RAI1: variants seen among roughly 807,000 people sequenced by gnomAD.
The protein encoded by RAI1 is retinoic acid-induced protein 1.
RAI1 carries 9 observed loss-of-function variants against 123.8 expected under a neutral mutation model. That is an observed-to-expected ratio of 0.07 (90% CI 0.04 to 0.13). The LOEUF (loss-of-function observed/expected upper bound fraction) is 0.13, where lower values mean the gene tolerates loss of function less well. RAI1 is among the 10% of genes least tolerant of loss of function. The pLI, the probability that RAI1 is intolerant of heterozygous loss-of-function variation, is 1.00. For missense variants in RAI1, 2,256 were observed against 2,545.8 expected (o/e 0.89, Z 2.45); for synonymous variants, 1,231 against 1,127.3 (o/e 1.09, Z -1.84).
At chr17:17,747,046 G>A (rs913714430) in intron 2 of RAI1, among the ~76,000 whole-genome samples, 3 of 152,026 alleles carry the variant, frequency 2.0e-5, no homozygotes, top group Admixed American at 6.6e-5. Context: ...TTAATTCATC[G>A]CCCCCATTTC....
At chr17:17,731,905 A>T (rs760204870) in intron 2 of RAI1, among the ~76,000 whole-genome samples, 1 of 152,178 alleles carries the variant, frequency 6.6e-6, no homozygotes, top group Non-Finnish European at 1.5e-5. Context: ...AGCTCAGCAG[A>T]TTATAATTCC....
At chr17:17,802,981 G>A (rs1267932427) in intron 3 of RAI1, among the ~76,000 whole-genome samples, 4 of 151,806 alleles carry the variant, frequency 2.6e-5, no homozygotes, top group Admixed American at 2.6e-4. Flanking sequence ...CTACTCGGGA[G>A]GCTAAGGCAG....
intron 4 of RAI1, among the ~76,000 whole-genome samples, chr17:17,808,374 A>AT (rs1259193372): frequency 6.8e-6 from 1 of 146,874 alleles, no homozygotes; most frequent in African/African-American, 2.6e-5. Flanking sequence ...ATTTTATTTT[A>AT]TATTTTATTT....
chr17:17,798,796 C>T (rs2032359822), intron 3 of RAI1, among the ~76,000 whole-genome samples: 1 of 152,182 alleles, frequency 6.6e-6, no homozygotes, highest in South Asian at 2.1e-4. Context: ...CATCTTCAGG[C>T]TCCAGCCCCA....
At chr17:17,751,855 G>T (rs963172398) in intron 2 of RAI1, among the ~76,000 whole-genome samples, 2 of 152,188 alleles carry the variant, frequency 1.3e-5, no homozygotes, top group African/African-American at 4.8e-5. Flanking sequence ...CAGTCGCGGT[G>T]TAACGCCCTG....
chr17:17,802,730 T>C (rs1230611632), intron 3 of RAI1, among the ~76,000 whole-genome samples: 1 of 150,438 alleles, frequency 6.6e-6, no homozygotes, highest in Admixed American at 6.6e-5. Flanking sequence ...GAGCCAAGAT[T>C]GTGCCACTGC....
Position 17,803,864 on chromosome 17 carries a change from A to C in RAI1, c.5659+15A>C. ...CAGCGATGCAGGTACGAGCCCGCCC[A>C]GGAACAGGAGGGCATTGGAGCCCAT... On this transcript the variant is annotated intron_variant, in intron 4 of 5. Transcript: ENST00000353383. 1 of 1,609,470 alleles carries C rather than the reference A, an allele frequency of 6.2e-7. No homozygotes were observed. Among genetic ancestry groups the C allele is most frequent in the Non-Finnish European group, 8.5e-7 (1 of 1,176,476 alleles).
Position 17,809,078 on chromosome 17 carries a change from G to A in RAI1, c.5660-312G>A. 1 of 457,462 alleles carries A rather than the reference G, an allele frequency of 2.2e-6. No individual in the cohort carries two copies. The highest frequency in any genetic ancestry group is 4.0e-6 in the Non-Finnish European group (1 of 247,290). The allele number at this position is 457,462 out of a possible 1,614,324, so 28.3% of individuals were successfully genotyped here. ...GGCAGTGACAAGTGTGGCTGGCAGA[G>A]TAAGGCGGGAGGGAGGGAGGGACTG... On this transcript the variant is annotated intron_variant, in intron 4 of 5. Transcript: ENST00000353383. The surrounding 1 kb of genome is among the most constrained non-coding windows in gnomAD (Gnocchi z 4.9).
At chr17:17,754,163 G>A (rs1364050285) in intron 2 of RAI1, among the ~76,000 whole-genome samples, 2 of 145,234 alleles carry the variant, frequency 1.4e-5, no homozygotes, top group Non-Finnish European at 3.0e-5. Context: ...TTGTACAAAG[G>A]CATTTTATGC....
rs151001882 is a variant in RAI1 at position 17,808,386 on chromosome 17, A to ATTATT, written c.5660-978_5660-974dup. Reference sequence around the variant, plus strand: ...TTTATTTTATTTTATATTTTATTTTATTATTTTATTTTATTTTATTTTATT... The same window carrying ATTATT: ...TTTATTTTATTTTATATTTTATTTTATTATTTTATTTTATTTTATTTTATTTTATT... On this transcript the variant is annotated intron_variant, in intron 4 of 5. Transcript: ENST00000353383. Among the ~76,000 whole-genome samples the ATTATT allele has an allele frequency of 3.0e-3, 387 of 130,030 alleles. 8 individuals are homozygous for ATTATT. The highest frequency in any genetic ancestry group is 7.5e-3 in the African/African-American group (224 of 30,062). 85.3% of individuals were successfully genotyped at this position (130,030 alleles called of 152,430 possible).
rs997082811 is a variant in RAI1 at position 17,794,417 on chromosome 17, C to G, written c.1469C>G (p.Ala490Gly). ...HCSPEGSGYSAEPAGTPLSEP... is the reference protein window; with the variant it reads ...HCSPEGSGYSGEPAGTPLSEP... The stretch of plus-strand genomic sequence containing the variant: ...AGCCCCGAAGGGAGCGGCTACTCAG[C>G]CGAGCCCGCAGGCACACCGCTGTCA... The change falls in exon 3 of 6, where the codon GCC (alanine) becomes GGC (glycine). Residue 490 changes from alanine to glycine, a missense_variant. Transcript: ENST00000353383. 1.2e-6 allele frequency: 2 copies of G among 1,612,896 alleles called. No individual in the cohort carries two copies. Among genetic ancestry groups the G allele is most frequent in the Non-Finnish European group, 1.7e-6 (2 of 1,180,044 alleles).
chr17:17,714,333 C>T lies in RAI1; in HGVS notation c.-148-9695C>T, dbSNP rs972488915. On this transcript the variant is annotated intron_variant, in intron 1 of 5. Coordinates refer to ENST00000353383, the MANE Select transcript of RAI1 (RefSeq NM_030665.4). This position sits in a 1 kb window ranked among gnomAD's most constrained non-coding sequence, Gnocchi z 4.9. Reference sequence around the variant, plus strand: ...CCTGTGTCGGTGGTCATTCAGCTCTCGGGACAAAGCGTGGGTGGGCCTGTG... The same window carrying T: ...CCTGTGTCGGTGGTCATTCAGCTCTTGGGACAAAGCGTGGGTGGGCCTGTG... Among the ~76,000 whole-genome samples, 7 of 152,134 alleles carry T rather than the reference C, an allele frequency of 4.6e-5. No homozygotes were observed. In the East Asian group the frequency reaches 9.7e-4, roughly 21 times the overall value.
intron 1 of RAI1, among the ~76,000 whole-genome samples, chr17:17,691,954 T>C (rs1914852317): frequency 6.6e-6 from 1 of 151,704 alleles, no homozygotes; most frequent in South Asian, 2.1e-4. Flanking sequence ...CAGATAGGGG[T>C]GAGGGAGGCG....
chr17:17,795,244 A>C lies in RAI1; in HGVS notation c.2296A>C (p.Thr766Pro), dbSNP rs199585852. 1 of 1,613,998 alleles carries C rather than the reference A, an allele frequency of 6.2e-7. No individual in the cohort carries two copies. The highest frequency in any genetic ancestry group is 2.2e-5 in the East Asian group (1 of 44,868). ...GTGGGGATTGCACCCTGGCGAGCTT[A>C]CCAAGGGCCTGGAGCAGGGTGGGAA... is the stretch of plus-strand genomic sequence containing the variant. The part of the protein sequence containing the change: ...PRWGLHPGEL[T>P]KGLEQGGKAS... The change falls in exon 3 of 6, where the codon ACC becomes CCC. Residue 766 changes from threonine (T) to proline (P), a missense_variant. Around this residue, in one of 7 missense-constraint regions of RAI1, gnomAD observed 566 missense variants for 616.0 expected, o/e 0.92. Coordinates refer to ENST00000353383, the MANE Select transcript of RAI1 (RefSeq NM_030665.4). The surrounding 1 kb of genome is among the most constrained non-coding windows in gnomAD (Gnocchi z 5.9).
At position 17,685,351 on chromosome 17, in the gene RAI1, G is replaced by A. The variant is rs779643160; in HGVS notation, c.-149+3558G>A. ...CATCCCTGCACTTGACCACAAGAAG[G>A]TCACAGCCCAGTGGGTGATTGGGAC... is the stretch of plus-strand genomic sequence containing the variant. On this transcript the variant is annotated intron_variant, in intron 1 of 5. Coordinates refer to ENST00000353383, the MANE Select transcript of RAI1 (RefSeq NM_030665.4). The surrounding 1 kb of genome is among the most constrained non-coding windows in gnomAD (Gnocchi z 4.0). Among the ~76,000 whole-genome samples the A allele has an allele frequency of 6.6e-6, 1 of 152,228 alleles. No homozygotes were observed. The highest frequency in any genetic ancestry group is 2.4e-5 in the African/African-American group (1 of 41,458).
rs2032657113 is a variant in RAI1 at position 17,809,270 on chromosome 17, A to G, written c.5660-120A>G. On this transcript the variant is annotated intron_variant, in intron 4 of 5. Transcript: ENST00000353383. The surrounding 1 kb of genome is among the most constrained non-coding windows in gnomAD (Gnocchi z 4.9). The stretch of plus-strand genomic sequence containing the variant: ...GCAGAATCTGATTAACTCTTTGAAA[A>G]GAGCCCCTGCAGTCTGGAGCCTCGC... The G allele has an allele frequency of 2.3e-6, 2 of 857,766 alleles. No individual in the cohort carries two copies. Among genetic ancestry groups the G allele is most frequent in the Middle Eastern group, 2.2e-4 (1 of 4,582 alleles). 53.1% of individuals were successfully genotyped at this position (857,766 alleles called of 1,614,324 possible).
At chr17:17,700,618 C>A (rs1275630312) in intron 1 of RAI1, among the ~76,000 whole-genome samples, 1 of 152,168 alleles carries the variant, frequency 6.6e-6, no homozygotes, top group Non-Finnish European at 1.5e-5. Flanking sequence ...GAAAACGACG[C>A]CCGGCGGGGA....
intron 2 of RAI1, among the ~76,000 whole-genome samples, chr17:17,760,941 G>A (rs114700756): frequency 4.5e-4 from 68 of 152,332 alleles, no homozygotes; most frequent in African/African-American, 1.5e-3. Context: ...GGGAAGCCCC[G>A]CAGATTACCC....
rs1249374649 is a variant in RAI1, at chr17:17,798,043, C to T, written c.5095C>T (p.Leu1699Phe). The T allele has an allele frequency of 6.2e-7, 1 of 1,613,972 alleles. No homozygotes were observed. The highest frequency in any genetic ancestry group is 8.5e-7 in the Non-Finnish European group (1 of 1,180,026). ...LCQNPANFKD[L>F]GDLCGPYYPE... ...CCAAAACCCGGCCAACTTCAAGGAC[C>T]TTGGGGACCTCTGTGGGCCCTACTA... Residue 1699 changes from leucine (L) to phenylalanine (F), a missense_variant, in exon 3 of 6, where the codon CTT becomes TTT. Leu to Phe is a conservative substitution (Grantham distance 22, BLOSUM62 0). Around this residue, in one of 7 missense-constraint regions of RAI1, gnomAD observed 243 missense variants for 316.6 expected, o/e 0.77. Transcript: ENST00000353383.
Sources: gnomAD v4.1 joint callset for allele counts (sites outside exome capture counted in the v4.1 genomes callset) on GRCh38, gnomAD v4.1.1 for gene constraint, gnomAD v4.1.1 regional missense constraint, Gnocchi (gnomAD v3.1) non-coding constraint, MANE v1.5 for transcripts, NCBI Gene and HGNC (gene_info 2026-07-23, HGNC 2026-07-21) for gene names.